PLEKHA4: variants seen among roughly 807,000 people sequenced by gnomAD.
PLEKHA4 encodes pleckstrin homology domain containing A4.
A neutral mutation model predicts 94.7 loss-of-function variants in PLEKHA4; 73 were observed. The ratio of observed to expected loss-of-function variants is 0.77; its 90% CI spans 0.64 to 0.94. The LOEUF is 0.94. Ranked by LOEUF, PLEKHA4 falls within the 40% of genes least tolerant of loss-of-function variation. The pLI is 0.00. For synonymous variants in PLEKHA4, 449 were observed against 437.1 expected, an observed-to-expected ratio of 1.03 and a Z score of -0.34; for missense variants, 1,049 against 1,054.1, an observed-to-expected ratio of 1.00 and a Z score of 0.07.
rs606400 is a variant in PLEKHA4 at position 48,868,241 on chromosome 19, T to C, written c.-165A>G. ...TCACACTTTTTGTCTCTTTGTCTCC[T>C]GTCTCTTACGGTCTCTCTCTCTCTC... On this transcript the variant is annotated 5_prime_UTR_variant, in exon 1 of 20. Coordinates refer to ENST00000263265, the MANE Select transcript of PLEKHA4 (RefSeq NM_020904.3). 67,467 of 152,458 alleles carry C rather than the reference T, an allele frequency of 0.44. 17,820 individuals are homozygous for C. Among genetic ancestry groups the C allele is most frequent in the African/African-American group, 0.74 (30,832 of 41,392 alleles). 9.4% of individuals were successfully genotyped at this position (152,458 alleles called of 1,614,324 possible). A position where few individuals can be genotyped will look rare whatever the true frequency, so the allele number is the denominator to read the frequency against.
chr19:48,843,903 C>A (rs780646276), intron 16 of PLEKHA4, among the ~76,000 whole-genome samples: 1 of 151,808 alleles, frequency 6.6e-6, no homozygotes, highest in African/African-American at 2.4e-5. Context: ...GGTGATCCAC[C>A]CGCCTCGGCA....
At position 48,867,322 on chromosome 19, in the gene PLEKHA4, T is replaced by C. The variant is rs2036866237; in HGVS notation, c.84+215A>G. Among the ~76,000 whole-genome samples the C allele has an allele frequency of 6.6e-6, 1 of 152,182 alleles. No individual in the cohort carries two copies. The highest frequency in any genetic ancestry group is 1.5e-5 in the Non-Finnish European group (1 of 68,040). ...CCAGGGTCAAGGGAGGTTGTTACTC[T>C]GGTTTAGAATTAGGAAAATACAAAG... On this transcript the variant is annotated intron_variant, in intron 2 of 19. Transcript: ENST00000263265. This position sits in a 1 kb window ranked among gnomAD's most constrained non-coding sequence, Gnocchi z 4.7.
chr19:48,853,758 C>T lies in PLEKHA4; in HGVS notation c.1250G>A (p.Gly417Glu). The T allele has an allele frequency of 6.2e-7, 1 of 1,612,968 alleles. No individual in the cohort carries two copies. The highest frequency in any genetic ancestry group is 8.5e-7 in the Non-Finnish European group (1 of 1,179,682). Residue 417 changes from glycine to glutamate, a missense_variant, in exon 12 of 20, where the codon GGG becomes GAG. Transcript: ENST00000263265. The stretch of plus-strand genomic sequence containing the variant: ...GAGGCGCTGGCGACCCCAGGCCCTC[C>T]CGGGAGCCCCAGCCTCCCTGGTGGC... ...GQATREAGAP[G>E]RAWGRQRLLQ...
At chr19:48,844,709 G>A (rs2035900230) in intron 16 of PLEKHA4, 2 of 919,106 alleles carry the variant, frequency 2.2e-6, no homozygotes, top group African/African-American at 3.6e-5. Context: ...ACAGCTTAAA[G>A]TCAACCAATT....
chr19:48,848,303 G>A (rs1003593572), intron 13 of PLEKHA4, among the ~76,000 whole-genome samples: 15 of 148,792 alleles, frequency 1.0e-4, no homozygotes, highest in Admixed American at 2.0e-4. Context: ...CGGCTAAAAC[G>A]GTGAAACCCC....
Position 48,865,601 on chromosome 19 carries a change from G to C in PLEKHA4, c.94C>G (p.Arg32Gly), listed in dbSNP as rs201547716. 1.9e-6 allele frequency: 3 copies of C among 1,612,716 alleles called. No individual in the cohort carries two copies. In the Admixed American group the frequency reaches 5.0e-5, roughly 27 times the overall value. Residue 32 changes from arginine to glycine, a missense_variant, in exon 3 of 20, where the codon CGG becomes GGG. Arg to Gly is a moderately radical substitution (Grantham distance 125, BLOSUM62 -2). Coordinates refer to ENST00000263265, the MANE Select transcript of PLEKHA4 (RefSeq NM_020904.3). ...AAGGCGTGGATCTTGTTTACTGCCC[G>C]GGTGGGCTTCTGAGGAGAGAAGGGG... is the stretch of plus-strand genomic sequence containing the variant. ...LSSLSPKKPT[R>G]AVNKIHAFGK... is the part of the protein sequence containing the mutation.
chr19:48,837,672 G>T lies in PLEKHA4; in HGVS notation c.2078-121C>A, dbSNP rs1181590395. Reference sequence around the variant, plus strand: ...CCAGCCCCTCCTCCATCAGACCCAGGAGTCCAGGCCCCCAGCCCCTCCTCC... The same window carrying T: ...CCAGCCCCTCCTCCATCAGACCCAGTAGTCCAGGCCCCCAGCCCCTCCTCC... On this transcript the variant is annotated intron_variant, in intron 19 of 19. Coordinates refer to ENST00000263265, the MANE Select transcript of PLEKHA4 (RefSeq NM_020904.3). This position sits in a 1 kb window ranked among gnomAD's most constrained non-coding sequence, Gnocchi z 4.3. The T allele has an allele frequency of 8.8e-6, 11 of 1,243,456 alleles. No homozygotes were observed. The African/African-American group carries it at 1.7e-4, about 19-fold the overall frequency. 77.0% of individuals were successfully genotyped at this position (1,243,456 alleles called of 1,614,324 possible). A position where few individuals can be genotyped will look rare whatever the true frequency, so the allele number is the denominator to read the frequency against.
At chr19:48,847,770 G>A (rs2036022124) in intron 14 of PLEKHA4, 130 bp downstream of exon 14, 1 of 1,063,704 alleles carries the variant, frequency 9.4e-7, no homozygotes, top group Non-Finnish European at 1.3e-6. Flanking sequence ...AAGGCTTCCA[G>A]AGGTTAGGAC....
In PLEKHA4 at chr19:48,861,383, A is replaced by G. The variant is rs375502202; in HGVS notation, c.366+18T>C. The G allele has an allele frequency of 8.1e-5, 129 of 1,601,592 alleles. No individual in the cohort carries two copies. Among genetic ancestry groups the G allele is most frequent in the Non-Finnish European group, 1.1e-4 (123 of 1,169,976 alleles). The stretch of plus-strand genomic sequence containing the variant: ...CAGTTCCCATCGCCTGGTGCACAAC[A>G]TGGATGGATGGACTCACGGTGAAGG... On this transcript the variant is annotated intron_variant, in intron 5 of 19. Coordinates refer to ENST00000263265, the MANE Select transcript of PLEKHA4 (RefSeq NM_020904.3).
intron 9 of PLEKHA4, among the ~76,000 whole-genome samples, chr19:48,855,972 A>G (rs1327199590): frequency 6.6e-6 from 1 of 151,430 alleles, no homozygotes; most frequent in Non-Finnish European, 1.5e-5. Context: ...CGGGAGTTCA[A>G]GACCAGCCTG....
At chr19:48,855,338 T>C (rs1201996624) in intron 9 of PLEKHA4, among the ~76,000 whole-genome samples, 1 of 152,052 alleles carries the variant, frequency 6.6e-6, no homozygotes, top group Admixed American at 6.6e-5. Context: ...GTGCGGTGGC[T>C]CATGCCTGTA....
intron 8 of PLEKHA4, among the ~76,000 whole-genome samples, chr19:48,857,796 C>G (rs565685327): frequency 6.6e-6 from 1 of 151,268 alleles, no homozygotes; most frequent in Admixed American, 6.6e-5. Flanking sequence ...GCAGGGTCCT[C>G]TGCCTAGGAA....
chr19:48,861,674 G>C lies in PLEKHA4; in HGVS notation c.211C>G (p.Leu71Val). The C allele has an allele frequency of 6.2e-7, 1 of 1,614,156 alleles. No homozygotes were observed. The highest frequency in any genetic ancestry group is 8.5e-7 in the Non-Finnish European group (1 of 1,179,986). The change falls in exon 4 of 20, where the codon CTC becomes GTC. Residue 71 changes from leucine (L) to valine (V), a missense_variant. Transcript: ENST00000263265. ...LHKQDSSGLRLWKRRWFVLSG... is the reference protein window; with the variant it reads ...LHKQDSSGLRVWKRRWFVLSG... ...AGGACGAACCAGCGGCGTTTCCAGA[G>C]ACGGAGCCCCGAGCTGTCCTGGGGA...
chr19:48,866,748 G>C (rs1457017302), intron 2 of PLEKHA4, among the ~76,000 whole-genome samples: 1 of 152,206 alleles, frequency 6.6e-6, no homozygotes, highest in East Asian at 1.9e-4. Context: ...GGTCCTTTGG[G>C]ATCTGAACTG....
intron 9 of PLEKHA4, among the ~76,000 whole-genome samples, chr19:48,855,193 C>T (rs527960484): frequency 5.3e-5 from 8 of 152,212 alleles, no homozygotes; most frequent in African/African-American, 1.9e-4. Context: ...GGCACAGTGA[C>T]TCACTCCTGT....
chr19:48,854,235 G>A lies in PLEKHA4; in HGVS notation c.1077C>T (p.His359=). The A allele has an allele frequency of 6.2e-7, 1 of 1,614,154 alleles. No individual in the cohort carries two copies. Among genetic ancestry groups the A allele is most frequent in the Non-Finnish European group, 8.5e-7 (1 of 1,180,018 alleles). ...LPGPPLESTF[H]QSLETDTLLT... ...AACTTACATCTGTCTCCAAGCTTTG[G>A]TGGAAAGTTGACTCCAGGGGAGGAC... The change falls in exon 10 of 20, where the codon CAC becomes CAT. Residue 359 remains histidine, a synonymous_variant. Coordinates refer to ENST00000263265, the MANE Select transcript of PLEKHA4 (RefSeq NM_020904.3).
chr19:48,853,193 T>C (rs1568544316), intron 12 of PLEKHA4, among the ~76,000 whole-genome samples: 1 of 152,038 alleles, frequency 6.6e-6, no homozygotes, highest in Non-Finnish European at 1.5e-5. Flanking sequence ...CATTCATTCA[T>C]TCATTCATTC....
chr19:48,867,558 C>G lies in PLEKHA4; in HGVS notation c.63G>C (p.Ser21=). Residue 21 remains serine (S), a synonymous_variant, in exon 2 of 20, where the codon TCG becomes TCC. Coordinates refer to ENST00000263265, the MANE Select transcript of PLEKHA4 (RefSeq NM_020904.3). The surrounding 1 kb of genome is among the most constrained non-coding windows in gnomAD (Gnocchi z 4.7). ...SLASSASTIS[S]LSSLSPKKPT... is the part of the protein sequence containing the mutation. ...AAACCTTGGGGCTCAGGCTGCTGAG[C>G]GAGGAGATGGTGGAGGCGCTGCTGG... is the stretch of plus-strand genomic sequence containing the variant. 1.2e-6 allele frequency: 2 copies of G among 1,600,968 alleles called. No homozygotes were observed. Among genetic ancestry groups the G allele is most frequent in the Non-Finnish European group, 1.7e-6 (2 of 1,176,188 alleles).
intron 17 of PLEKHA4, among the ~76,000 whole-genome samples, chr19:48,840,206 G>A (rs2035707594): frequency 6.6e-6 from 1 of 151,932 alleles, no homozygotes; most frequent in Non-Finnish European, 1.5e-5. Flanking sequence ...CTTGAGCTCA[G>A]GAGCTCGACA....
Sources: allele counts gnomAD v4.1 joint callset (sites outside exome capture counted in the v4.1 genomes callset), GRCh38; gene constraint gnomAD v4.1.1; non-coding constraint Gnocchi (gnomAD v3.1); transcripts MANE v1.5; gene names NCBI Gene and HGNC (gene_info 2026-07-23, HGNC 2026-07-21).